The following ADAM29 variants were observed in gnomAD, a reference collection of about 807,000 sequenced individuals.
ADAM29 encodes the protein ADAM metallopeptidase domain 29.
For missense variants in ADAM29, 969 were observed against 1,001.8 expected (o/e 0.97, Z 0.44); for synonymous variants, 367 against 342.3 (o/e 1.07, Z -0.80).
At chr4:174,920,372 C>A (rs1449494001) in intron 1 of ADAM29, among the ~76,000 whole-genome samples, 1 of 152,112 alleles carries the variant, frequency 6.6e-6, no homozygotes, top group African/African-American at 2.4e-5. Flanking sequence ...GAATTACTTT[C>A]TTCTTTCCAT....
chr4:174,977,735 T>A lies in ADAM29; in HGVS notation c.2210T>A (p.Met737Lys). The A allele has an allele frequency of 6.2e-7, 1 of 1,604,452 alleles. No individual in the cohort carries two copies. Among genetic ancestry groups the A allele is most frequent in the Non-Finnish European group, 8.5e-7 (1 of 1,171,962 alleles). Residue 737 changes from methionine (M) to lysine (K), a missense_variant, in exon 5 of 5, where the codon ATG (methionine) becomes AAG (lysine). Met to Lys is a moderately conservative substitution (Grantham distance 95, BLOSUM62 -1). Transcript: ENST00000359240. ...CCTCCCCAGAGTCAACCTTGGGTGA[T>A]GCCTTCCCAGAGTCAACCTCCTGTG... Reference protein sequence around the residue: ...ELPPQSQPWVMPSQSQPPVTP... With the variant: ...ELPPQSQPWVKPSQSQPPVTP...
At chr4:174,953,534 G>C (rs1482591241) in intron 4 of ADAM29, among the ~76,000 whole-genome samples, 1 of 152,092 alleles carries the variant, frequency 6.6e-6, no homozygotes, top group African/African-American at 2.4e-5. Flanking sequence ...ATAATATGAA[G>C]ACACAAAACT....
In ADAM29 at chr4:174,975,760, C is replaced by G; in HGVS notation, c.235C>G (p.Pro79Ala). 3 of 1,613,790 alleles carry G rather than the reference C, an allele frequency of 1.9e-6. No individual in the cohort carries two copies. Among genetic ancestry groups the G allele is most frequent in the Non-Finnish European group, 2.5e-6 (3 of 1,179,912 alleles). ...VKKLLFSKHL[P>A]VFTYTDQGAI... The stretch of plus-strand genomic sequence containing the variant: ...GAAGCTTTTGTTTTCCAAACACCTC[C>G]CTGTGTTCACCTACACAGACCAGGG... The change falls in exon 5 of 5, where the codon CCT (proline) becomes GCT (alanine). Residue 79 changes from proline (P) to alanine (A), a missense_variant. Transcript: ENST00000359240.
intron 4 of ADAM29, among the ~76,000 whole-genome samples, chr4:174,966,982 T>G (rs1165811032): frequency 1.3e-5 from 2 of 152,192 alleles, no homozygotes; most frequent in Non-Finnish European, 2.9e-5. Context: ...CCTGCATATA[T>G]CGCCCATCTA....
At chr4:174,970,019 G>A (rs1004494872) in intron 4 of ADAM29, among the ~76,000 whole-genome samples, 18 of 151,864 alleles carry the variant, frequency 1.2e-4, no homozygotes, top group Admixed American at 2.6e-4. Context: ...CATCCTCACT[G>A]ACTGTTAAGT....
Position 174,976,302 on chromosome 4 carries a change from A to G in ADAM29, c.777A>G (p.Val259=). Reference sequence around the variant, plus strand: ...GGACCAATAAAAACCTCATTGTAGTAGATGATGTAAGGAAATCTGTGCACC... The same window carrying G: ...GGACCAATAAAAACCTCATTGTAGTGGATGATGTAAGGAAATCTGTGCACC... ...EIWTNKNLIV[V]DDVRKSVHLY... is the part of the protein sequence containing the mutation. Residue 259 remains valine (V), a synonymous_variant, in exon 5 of 5, where the codon GTA becomes GTG. Transcript: ENST00000359240. 1 of 1,612,634 alleles carries G rather than the reference A, an allele frequency of 6.2e-7. No individual in the cohort carries two copies.
rs760073186 is a variant in ADAM29 at position 174,977,053 on chromosome 4, G to A, written c.1528G>A (p.Gly510Ser). The change falls in exon 5 of 5, where the codon GGT becomes AGT. Residue 510 changes from glycine to serine, a missense_variant. Transcript: ENST00000359240. ...CAATGAACAGTGTAGGAGGATTTTT[G>A]GTGCAGGCGCAAATACTGCAAGTGA... The part of the protein sequence containing the change: ...DRNEQCRRIF[G>S]AGANTASETC... 3.7e-6 allele frequency: 6 copies of A among 1,613,956 alleles called. No individual in the cohort carries two copies. The Admixed American group carries it at 1.0e-4, about 27-fold the overall frequency.
At chr4:174,968,759 G>T (rs1405420868) in intron 4 of ADAM29, among the ~76,000 whole-genome samples, 1 of 144,402 alleles carries the variant, frequency 6.9e-6, no homozygotes, top group Non-Finnish European at 1.5e-5. Flanking sequence ...AAATCAGTTT[G>T]CCACTTTCCG....
At chr4:174,938,229 G>A (rs1288875668) in intron 4 of ADAM29, among the ~76,000 whole-genome samples, 1 of 152,040 alleles carries the variant, frequency 6.6e-6, no homozygotes, top group African/African-American at 2.4e-5. Context: ...GAAATCTTGG[G>A]GCGGGGCAAG....
At chr4:174,956,227 A>C (rs138099305) in intron 4 of ADAM29, among the ~76,000 whole-genome samples, 4,111 of 152,118 alleles carry the variant, frequency 0.027, 93 homozygotes, top group Non-Finnish European at 0.041. Flanking sequence ...ACTTAAGCAC[A>C]TACCTTTCCC....
intron 4 of ADAM29, among the ~76,000 whole-genome samples, chr4:174,940,487 C>G (rs1470305258): frequency 6.6e-6 from 1 of 152,056 alleles, no homozygotes; most frequent in Non-Finnish European, 1.5e-5. Context: ...ATTTTTACAG[C>G]CTTTATCTGC....
chr4:174,968,328 T>C (rs1746267507), intron 4 of ADAM29, among the ~76,000 whole-genome samples: 1 of 152,138 alleles, frequency 6.6e-6, no homozygotes, highest in Non-Finnish European at 1.5e-5. Flanking sequence ...GCTTACTGTG[T>C]TTCAGACTAC....
chr4:174,961,981 G>A (rs1272841995), intron 4 of ADAM29, among the ~76,000 whole-genome samples: 7 of 152,028 alleles, frequency 4.6e-5, no homozygotes, highest in African/African-American at 1.7e-4. Context: ...TATATTTTAA[G>A]TGGTGCCATT....
At chr4:174,945,113 A>G (rs143008514) in intron 4 of ADAM29, among the ~76,000 whole-genome samples, 2 of 152,280 alleles carry the variant, frequency 1.3e-5, no homozygotes, top group East Asian at 1.9e-4. Context: ...TTACAATCCC[A>G]TTAGACCTGT....
intron 2 of ADAM29, among the ~76,000 whole-genome samples, chr4:174,929,030 A>AG (rs528217653): frequency 1.0e-3 from 159 of 152,354 alleles, no homozygotes; most frequent in African/African-American, 3.6e-3. Flanking sequence ...AGTCAGGTTC[A>AG]GGGGAACTTC....
intron 4 of ADAM29, among the ~76,000 whole-genome samples, chr4:174,955,710 T>A (rs1008071341): frequency 2.5e-4 from 38 of 152,040 alleles, no homozygotes; most frequent in Admixed American, 2.5e-3. Context: ...TGAAAAAAGA[T>A]CAAATATGTA....
Position 174,978,175 on chromosome 4 carries a change from C to A in ADAM29, c.*187C>A. 1 of 957,830 alleles carries A rather than the reference C, an allele frequency of 1.0e-6. No homozygotes were observed. Among genetic ancestry groups the A allele is most frequent in the Non-Finnish European group, 1.6e-6 (1 of 643,732 alleles). 59.3% of individuals were successfully genotyped at this position (957,830 alleles called of 1,614,324 possible). A position where few individuals can be genotyped will look rare whatever the true frequency, so the allele number is the denominator to read the frequency against. ...AAAAGGTACATTAAAAAAATAATTC[C>A]TAGTATGTTTCTACTTACTCTTCAT... is the stretch of plus-strand genomic sequence containing the variant. On this transcript the variant is annotated 3_prime_UTR_variant, in exon 5 of 5. Coordinates refer to ENST00000359240, the MANE Select transcript of ADAM29 (RefSeq NM_014269.4).
chr4:174,944,100 C>A (rs1560872188), intron 4 of ADAM29, among the ~76,000 whole-genome samples: 1 of 151,386 alleles, frequency 6.6e-6, no homozygotes, highest in East Asian at 1.9e-4. Flanking sequence ...TTATAATTAA[C>A]AGTTATAAAT....
intron 4 of ADAM29, among the ~76,000 whole-genome samples, chr4:174,949,769 A>G (rs1745068017): frequency 6.6e-6 from 1 of 151,212 alleles, no homozygotes; most frequent in Admixed American, 6.6e-5. Flanking sequence ...TTATTCTTGC[A>G]CCTCCTGTAA....
Sources: allele counts gnomAD v4.1 joint callset (sites outside exome capture counted in the v4.1 genomes callset), GRCh38; gene constraint gnomAD v4.1.1; transcripts MANE v1.5; gene names NCBI Gene and HGNC (gene_info 2026-07-23, HGNC 2026-07-21).